SLC8B1: variants seen among roughly 807,000 people sequenced by gnomAD.
SLC8B1 encodes the protein solute carrier family 8 member B1, also known as mitochondrial sodium/calcium exchanger protein.
In SLC8B1, 52 loss-of-function variants were observed where a neutral mutation model predicts 63.4. The observed-to-expected ratio is 0.82, with a 90% CI of 0.66 to 1.03. SLC8B1 has a LOEUF of 1.03. Ranked by LOEUF, SLC8B1 falls within the 50% of genes least tolerant of loss-of-function variation. The pLI is 0.00. For missense variants in SLC8B1, 657 were observed against 741.7 expected (o/e 0.89, Z 1.33); for synonymous variants, 336 against 323.9 (o/e 1.04, Z -0.40).
intron 15 of SLC8B1, among the ~76,000 whole-genome samples, chr12:113,300,933 C>T (rs953246509): frequency 9.9e-5 from 15 of 152,252 alleles, no homozygotes; most frequent in East Asian, 7.7e-4. Context: ...GTTAGGAGTT[C>T]GAGACCAGCC....
At chr12:113,316,726 C>T in intron 9 of SLC8B1, 70 bp from the exon 10 acceptor site, 3 of 1,587,360 alleles carry the variant, frequency 1.9e-6, no homozygotes, top group Non-Finnish European at 1.7e-6. Context: ...TTCCCCGCTC[C>T]ATCCCACCAG....
chr12:113,321,971 T>C (rs1373517145), intron 2 of SLC8B1, among the ~76,000 whole-genome samples: 1 of 151,966 alleles, frequency 6.6e-6, no homozygotes, highest in Admixed American at 6.6e-5. Flanking sequence ...GGTGGGAGGA[T>C]TGCTTGAACC....
At position 113,320,504 on chromosome 12, in the gene SLC8B1, G is replaced by T. The variant is rs769789122; in HGVS notation, c.527-6C>A. 9 of 1,614,020 alleles carry T rather than the reference G, an allele frequency of 5.6e-6. No individual in the cohort carries two copies. The highest frequency in any genetic ancestry group is 6.8e-6 in the Non-Finnish European group (8 of 1,180,008). On this transcript the variant is annotated splice_polypyrimidine_tract_variant and splice_region_variant and intron_variant, in intron 6 of 15. Coordinates refer to ENST00000680972, the MANE Select transcript of SLC8B1 (RefSeq NM_001358345.2). The surrounding 1 kb of genome is among the most constrained non-coding windows in gnomAD (Gnocchi z 5.3). ...GGTAACCAGCACGCCAGCGCCTGGG[G>T]GGAGGAGGCCAGAGCTCAGCCACCC...
chr12:113,303,643 C>T lies in SLC8B1; in HGVS notation c.1557+678G>A, dbSNP rs372312777. ...TTTGTTTGCATGTGAGGCAGATTTT[C>T]GAATAGAAAAAAATTCACTTAGGAA... is the stretch of plus-strand genomic sequence containing the variant. On this transcript the variant is annotated intron_variant, in intron 15 of 15. Transcript: ENST00000680972. 4.2e-3 allele frequency among the ~76,000 whole-genome samples: 636 copies of T among 152,194 alleles called. 3 individuals carry two copies. The highest frequency in any genetic ancestry group is 0.014 in the African/African-American group (599 of 41,534).
intron 13 of SLC8B1, among the ~76,000 whole-genome samples, chr12:113,307,143 A>C (rs956645018): frequency 2.1e-4 from 31 of 147,128 alleles, no homozygotes; most frequent in African/African-American, 7.0e-4. Context: ...AAAAAAAAAA[A>C]AAAAAAAACT....
At chr12:113,301,777 C>T (rs969820481) in intron 15 of SLC8B1, among the ~76,000 whole-genome samples, 1 of 152,144 alleles carries the variant, frequency 6.6e-6, no homozygotes, top group South Asian at 2.1e-4. Flanking sequence ...AGGATGGACT[C>T]CATTTTACAG....
At chr12:113,315,842 C>G (rs913315306) in intron 10 of SLC8B1, among the ~76,000 whole-genome samples, 1 of 152,230 alleles carries the variant, frequency 6.6e-6, no homozygotes, top group African/African-American at 2.4e-5. Context: ...ACTTCTCAGT[C>G]TCTGACTCTG....
intron 2 of SLC8B1, among the ~76,000 whole-genome samples, chr12:113,322,272 G>A (rs1272366390): frequency 2.0e-5 from 3 of 152,194 alleles, no homozygotes; most frequent in Admixed American, 2.0e-4. Flanking sequence ...AGGAGACTGA[G>A]ACAATGTCCG....
intron 2 of SLC8B1, 126 bp from the exon 3 acceptor site, chr12:113,321,474 T>G: frequency 8.4e-7 from 1 of 1,189,160 alleles, no homozygotes. Context: ...ACCCTCTGGG[T>G]GCCAACTATG....
At chr12:113,332,431 A>G (rs1018497586) in intron 2 of SLC8B1, among the ~76,000 whole-genome samples, 2 of 152,010 alleles carry the variant, frequency 1.3e-5, no homozygotes, top group Admixed American at 6.6e-5. Context: ...TGCCCAGCTA[A>G]TTTTTGTATT....
At chr12:113,310,897 C>T (rs4767066) in intron 11 of SLC8B1, among the ~76,000 whole-genome samples, 15,952 of 152,320 alleles carry the variant, frequency 0.1, 1,072 homozygotes, top group South Asian at 0.21. Flanking sequence ...CTTTTCACCA[C>T]TAGGAGTTGG....
At chr12:113,303,146 C>T (rs1173167025) in intron 15 of SLC8B1, among the ~76,000 whole-genome samples, 5 of 150,112 alleles carry the variant, frequency 3.3e-5, no homozygotes, top group Admixed American at 6.6e-5. Context: ...CACACACGCG[C>T]GCGCACAGGA....
At position 113,305,761 on chromosome 12, in the gene SLC8B1, T is replaced by C. The variant is rs190140850; in HGVS notation, c.1492+734A>G. ...AACCGCCTGCATGGCCCCCAAAGTC[T>C]AAAATATTTATTCTTTGGGCCAGGT... On this transcript the variant is annotated intron_variant, in intron 14 of 15. Coordinates refer to ENST00000680972, the MANE Select transcript of SLC8B1 (RefSeq NM_001358345.2). This position sits in a 1 kb window ranked among gnomAD's most constrained non-coding sequence, Gnocchi z 4.3. Among the ~76,000 whole-genome samples, 1 of 152,114 alleles carries C rather than the reference T, an allele frequency of 6.6e-6. No homozygotes were observed. The highest frequency in any genetic ancestry group is 1.5e-5 in the Non-Finnish European group (1 of 68,022).
At chr12:113,304,225 G>A in intron 15 of SLC8B1, 96 bp downstream of exon 15, 2 of 1,148,318 alleles carry the variant, frequency 1.7e-6, no homozygotes, top group Non-Finnish European at 2.6e-6. Flanking sequence ...GGACTTAAGT[G>A]ATGGGACCCA....
At chr12:113,316,806 T>G (rs1956842156) in intron 9 of SLC8B1, 136 bp downstream of exon 9, 1 of 1,480,422 alleles carries the variant, frequency 6.8e-7, no homozygotes. Flanking sequence ...GGCCCTTGGC[T>G]CACCTGAGCT....
chr12:113,326,723 C>T (rs915118826), intron 2 of SLC8B1, among the ~76,000 whole-genome samples: 2 of 151,402 alleles, frequency 1.3e-5, no homozygotes, highest in African/African-American at 4.9e-5. Flanking sequence ...GTTGCCCAGG[C>T]TGGAGTGCAG....
intron 8 of SLC8B1, among the ~76,000 whole-genome samples, chr12:113,317,955 G>T (rs902750376): frequency 2.6e-5 from 4 of 151,618 alleles, no homozygotes; most frequent in Non-Finnish European, 5.9e-5. Flanking sequence ...TCTGTTGCAG[G>T]TGTATCCTGT....
intron 11 of SLC8B1, among the ~76,000 whole-genome samples, chr12:113,313,095 G>A (rs1045134729): frequency 3.3e-5 from 5 of 151,992 alleles, no homozygotes; most frequent in African/African-American, 1.2e-4. Flanking sequence ...TAATAGAGAC[G>A]AGGTTTCATT....
intron 1 of SLC8B1, 68 bp downstream of exon 1, chr12:113,334,375 G>C (rs188884733): frequency 6.6e-6 from 1 of 152,254 alleles, no homozygotes; most frequent in Non-Finnish European, 1.5e-5. Context: ...GGCAGCCTGA[G>C]GGGAGGGAGA....
Sources: gnomAD v4.1 joint callset for allele counts (sites outside exome capture counted in the v4.1 genomes callset) on GRCh38, gnomAD v4.1.1 for gene constraint, Gnocchi (gnomAD v3.1) non-coding constraint, MANE v1.5 for transcripts, NCBI Gene and HGNC (gene_info 2026-07-23, HGNC 2026-07-21) for gene names.